CCSER1: variants seen among roughly 807,000 people sequenced by gnomAD.
CCSER1 encodes serine-rich coiled-coil domain-containing protein 1.
Under a neutral mutation model 82.0 loss-of-function variants are expected in CCSER1, and 41 were observed. That is an observed-to-expected ratio of 0.50 (90% confidence interval 0.39 to 0.65). The LOEUF is 0.65. Ranked by LOEUF, CCSER1 falls within the 30% of genes least tolerant of loss-of-function variation. CCSER1 has a pLI of 0.00. For synonymous variants in CCSER1, 414 were observed against 383.9 expected (o/e 1.08, Z -0.92); for missense variants, 1,119 against 1,064.2 (o/e 1.05, Z -0.72).
At chr4:90,168,852 A>G (rs1165002267) in intron 1 of CCSER1, among the ~76,000 whole-genome samples, 1 of 146,402 alleles carries the variant, frequency 6.8e-6, no homozygotes. Flanking sequence ...TTTTGGTACC[A>G]GTACCATGCT....
chr4:91,104,387 C>T lies in CCSER1; in HGVS notation c.2217+18393C>T, dbSNP rs146766376. Among the ~76,000 whole-genome samples, 241 of 152,268 alleles carry T rather than the reference C, an allele frequency of 1.6e-3. 1 individual carries two copies. Among genetic ancestry groups the T allele is most frequent in the Admixed American group, 5.2e-3 (79 of 15,296 alleles). ...GGTTTTGAGGCTCAGGTGGGCATCA[C>T]GGTCCTACCGATATGTGATGTCACC... On this transcript the variant is annotated intron_variant, in intron 10 of 10. Coordinates refer to ENST00000509176, the MANE Select transcript of CCSER1 (RefSeq NM_001145065.2).
intron 10 of CCSER1, among the ~76,000 whole-genome samples, chr4:91,195,609 C>T (rs1024566585): frequency 4.6e-5 from 7 of 152,100 alleles, no homozygotes; most frequent in Non-Finnish European, 8.8e-5. Flanking sequence ...CTTGAAACTG[C>T]TTTTATTTGC....
chr4:90,467,401 A>G (rs1249562401), intron 4 of CCSER1, among the ~76,000 whole-genome samples: 4 of 148,652 alleles, frequency 2.7e-5, no homozygotes, highest in African/African-American at 1.0e-4. Context: ...AAAAAATAAA[A>G]AAGGGCCTGG....
At chr4:90,441,580 G>A (rs1405160851) in intron 4 of CCSER1, among the ~76,000 whole-genome samples, 1 of 152,054 alleles carries the variant, frequency 6.6e-6, no homozygotes, top group Admixed American at 6.5e-5. Context: ...CATCACATTG[G>A]GGGTTAACAC....
chr4:90,493,272 C>G (rs978122867), intron 5 of CCSER1, among the ~76,000 whole-genome samples: 1 of 152,060 alleles, frequency 6.6e-6, no homozygotes. Context: ...TGTGAAAAGA[C>G]CAAATCTACA....
At chr4:91,402,703 G>A (rs548612907) in intron 10 of CCSER1, among the ~76,000 whole-genome samples, 1 of 152,248 alleles carries the variant, frequency 6.6e-6, no homozygotes. Context: ...TCAGATGTTT[G>A]TAGATGTGTG....
At chr4:91,299,157 ATAT>A (rs1196768899) in intron 10 of CCSER1, among the ~76,000 whole-genome samples, 3 of 152,012 alleles carry the variant, frequency 2.0e-5, no homozygotes, top group African/African-American at 7.2e-5. Context: ...AAAATATTAA[ATAT>A]TATGGTAAAA....
At chr4:90,836,200 C>G (rs1439594536) in intron 8 of CCSER1, among the ~76,000 whole-genome samples, 1 of 152,140 alleles carries the variant, frequency 6.6e-6, no homozygotes, top group Non-Finnish European at 1.5e-5. Context: ...CCCACATTCC[C>G]TGATCTTTTT....
chr4:90,990,765 T>C (rs1426441231), intron 9 of CCSER1, among the ~76,000 whole-genome samples: 1 of 151,818 alleles, frequency 6.6e-6, no homozygotes, highest in Non-Finnish European at 1.5e-5. Flanking sequence ...CTGTGAAAAA[T>C]GAAAGGGGCT....
At chr4:90,549,231 C>A (rs886246475) in intron 5 of CCSER1, among the ~76,000 whole-genome samples, 2 of 152,160 alleles carry the variant, frequency 1.3e-5, no homozygotes, top group Non-Finnish European at 2.9e-5. Context: ...CCATTAATAA[C>A]CTGTATCATA....
At chr4:90,438,210 G>T (rs1759327313) in intron 4 of CCSER1, among the ~76,000 whole-genome samples, 1 of 152,064 alleles carries the variant, frequency 6.6e-6, no homozygotes, top group South Asian at 2.1e-4. Flanking sequence ...CTTGATCTTT[G>T]CACAACTTTA....
intron 7 of CCSER1, among the ~76,000 whole-genome samples, chr4:90,807,287 G>A (rs1433600985): frequency 1.3e-5 from 2 of 152,074 alleles, no homozygotes; most frequent in Non-Finnish European, 2.9e-5. Flanking sequence ...ACCATTAACA[G>A]TAATATTTAG....
intron 7 of CCSER1, among the ~76,000 whole-genome samples, chr4:90,812,239 T>C (rs968108556): frequency 6.6e-6 from 1 of 152,124 alleles, no homozygotes; most frequent in Admixed American, 6.6e-5. Flanking sequence ...GCTGATTAGA[T>C]TGTGCCCCCC....
intron 10 of CCSER1, among the ~76,000 whole-genome samples, chr4:91,572,809 T>TAA (rs568857955): frequency 1.5e-4 from 17 of 115,478 alleles, no homozygotes; most frequent in African/African-American, 3.2e-4. Context: ...TAAAAATCTA[T>TAA]AAAAAAAAAA....
At chr4:91,281,960 A>G (rs1742947213) in intron 10 of CCSER1, among the ~76,000 whole-genome samples, 1 of 152,208 alleles carries the variant, frequency 6.6e-6, no homozygotes, top group Non-Finnish European at 1.5e-5. Flanking sequence ...TTGATATTTA[A>G]TAATAGAGCT....
intron 10 of CCSER1, among the ~76,000 whole-genome samples, chr4:91,141,062 T>C (rs539817514): frequency 1.3e-5 from 2 of 152,264 alleles, no homozygotes; most frequent in South Asian, 2.1e-4. Context: ...AAATGTGGTA[T>C]TTGGTTTTCT....
chr4:91,383,556 A>G (rs1366346926), intron 10 of CCSER1, among the ~76,000 whole-genome samples: 2 of 152,164 alleles, frequency 1.3e-5, no homozygotes, highest in African/African-American at 4.8e-5. Flanking sequence ...TTAAGAGTTT[A>G]GGATAAATAG....
At position 91,281,858 on chromosome 4, in the gene CCSER1, G is replaced by T. The variant is rs778873907; in HGVS notation, c.2217+195864G>T. On this transcript the variant is annotated intron_variant, in intron 10 of 10. Coordinates refer to ENST00000509176, the MANE Select transcript of CCSER1 (RefSeq NM_001145065.2). ...GCATTGTAGTATTCCTCTTTCCCTAGTTAAATCTCTAATGAAGATCAGTCC... is the reference window on the plus strand; with the variant it reads ...GCATTGTAGTATTCCTCTTTCCCTATTTAAATCTCTAATGAAGATCAGTCC... Among the ~76,000 whole-genome samples, 39 of 151,982 alleles carry T rather than the reference G, an allele frequency of 2.6e-4. 1 individual carries two copies. Among genetic ancestry groups the T allele is most frequent in the Middle Eastern group, 6.3e-3 (2 of 316 alleles).
intron 1 of CCSER1, among the ~76,000 whole-genome samples, chr4:90,271,812 T>A: frequency 2.5e-5 from 3 of 118,694 alleles, no homozygotes; most frequent in South Asian, 6.7e-4. Flanking sequence ...AGATACTACC[T>A]GAGACTGGAC....
Sources: gnomAD v4.1 joint callset for allele counts (sites outside exome capture counted in the v4.1 genomes callset) on GRCh38, gnomAD v4.1.1 for gene constraint, MANE v1.5 for transcripts, NCBI Gene and HGNC (gene_info 2026-07-23, HGNC 2026-07-21) for gene names.